Variants in KLHDC10 observed in about 807,000 individuals in gnomAD.
The protein encoded by KLHDC10 is kelch domain containing 10.
Under a neutral mutation model 56.1 loss-of-function variants are expected in KLHDC10, and 24 were observed. That is an observed-to-expected ratio of 0.43 (90% confidence interval 0.31 to 0.60). The LOEUF (loss-of-function observed/expected upper bound fraction) is 0.60, where lower values mean the gene tolerates loss of function less well. Ranked by LOEUF, KLHDC10 falls within the 20% of genes least tolerant of loss-of-function variation. The pLI, the probability that KLHDC10 is intolerant of heterozygous loss-of-function variation, is 0.11. For missense variants in KLHDC10, 349 were observed against 567.0 expected (o/e 0.62, Z 3.91); for synonymous variants, 188 against 207.1 (o/e 0.91, Z 0.79).
At chr7:130,110,054 T>A (rs1796079452) in intron 2 of KLHDC10, among the ~76,000 whole-genome samples, 1 of 152,258 alleles carries the variant, frequency 6.6e-6, no homozygotes, top group African/African-American at 2.4e-5. Flanking sequence ...TTTTTGACAT[T>A]GATATTTTTG....
At chr7:130,104,385 G>T (rs951278594) in intron 2 of KLHDC10, among the ~76,000 whole-genome samples, 2 of 152,250 alleles carry the variant, frequency 1.3e-5, no homozygotes, top group Admixed American at 1.3e-4. Context: ...AAATTTACAG[G>T]TGTAGTATTA....
At chr7:130,072,589 A>G (rs1795432667) in intron 1 of KLHDC10, among the ~76,000 whole-genome samples, 1 of 152,144 alleles carries the variant, frequency 6.6e-6, no homozygotes, top group Admixed American at 6.6e-5. Context: ...ATGTAGTTTG[A>G]AATTCTTTCA....
At position 130,132,991 on chromosome 7, in the gene KLHDC10, A is replaced by G; in HGVS notation, c.*2245A>G. Reference sequence around the variant, plus strand: ...TCCATACTTGCTGGCATCCTTTGTTAAGCCTTCTGAGGGCAGTCTTCTTTG... The same window carrying G: ...TCCATACTTGCTGGCATCCTTTGTTGAGCCTTCTGAGGGCAGTCTTCTTTG... On this transcript the variant is annotated 3_prime_UTR_variant, in exon 10 of 10. Transcript: ENST00000335420. The G allele has an allele frequency of 6.6e-6, 1 of 152,240 alleles. No homozygotes were observed. Among genetic ancestry groups the G allele is most frequent in the Non-Finnish European group, 1.5e-5 (1 of 68,058 alleles). The allele number at this position is 152,240 out of a possible 1,614,324, so 9.4% of individuals were successfully genotyped here.
In KLHDC10 at chr7:130,120,537, T is replaced by C. The variant is rs1304568807; in HGVS notation, c.476-212T>C. On this transcript the variant is annotated intron_variant, in intron 3 of 9. Coordinates refer to ENST00000335420, the MANE Select transcript of KLHDC10 (RefSeq NM_014997.4). This position sits in a 1 kb window ranked among gnomAD's most constrained non-coding sequence, Gnocchi z 5.1. The stretch of plus-strand genomic sequence containing the variant: ...AGTGAGCATTTCCTTTAAGCATCAT[T>C]GTTGGTGCGCAAAAAGTCTAATTCG... 6.6e-6 allele frequency among the ~76,000 whole-genome samples: 1 copy of C among 152,196 alleles called. No homozygotes were observed. Among genetic ancestry groups the C allele is most frequent in the Non-Finnish European group, 1.5e-5 (1 of 68,038 alleles).
rs947487937 is a variant in KLHDC10, at chr7:130,130,039, G to A, written c.1119+463G>A. On this transcript the variant is annotated intron_variant, in intron 9 of 9. Transcript: ENST00000335420. The surrounding 1 kb of genome is among the most constrained non-coding windows in gnomAD (Gnocchi z 4.2). Reference sequence around the variant, plus strand: ...AAAAAAAAATTCATATATATAGGCCGGGCGCGGTGGCTCAGGCCTGTAATC... The same window carrying A: ...AAAAAAAAATTCATATATATAGGCCAGGCGCGGTGGCTCAGGCCTGTAATC... Among the ~76,000 whole-genome samples the A allele has an allele frequency of 1.3e-5, 2 of 152,080 alleles. No individual in the cohort carries two copies. The highest frequency in any genetic ancestry group is 2.1e-4 in the South Asian group (1 of 4,812).
chr7:130,086,686 T>C (rs949403431), intron 1 of KLHDC10, among the ~76,000 whole-genome samples: 2 of 152,274 alleles, frequency 1.3e-5, no homozygotes, highest in African/African-American at 2.4e-5. Flanking sequence ...TATCTCATGC[T>C]TCTTCATGGC....
chr7:130,074,999 A>G (rs756375272), intron 1 of KLHDC10, among the ~76,000 whole-genome samples: 3 of 152,086 alleles, frequency 2.0e-5, no homozygotes, highest in Non-Finnish European at 2.9e-5. Context: ...TTTTTTAAGC[A>G]CTTGCCTTTC....
intron 1 of KLHDC10, among the ~76,000 whole-genome samples, chr7:130,088,653 T>C (rs981118660): frequency 3.3e-5 from 5 of 151,118 alleles, no homozygotes; most frequent in Non-Finnish European, 7.4e-5. Context: ...TTCTTTCTTT[T>C]TTTTTTTTTG....
intron 2 of KLHDC10, among the ~76,000 whole-genome samples, chr7:130,106,606 T>C (rs1163357482): frequency 6.6e-6 from 1 of 152,248 alleles, no homozygotes; most frequent in Non-Finnish European, 1.5e-5. Context: ...TAAAATTTGA[T>C]ATTTAATGTG....
intron 2 of KLHDC10, among the ~76,000 whole-genome samples, chr7:130,107,124 C>A (rs931369419): frequency 6.6e-6 from 1 of 152,008 alleles, no homozygotes; most frequent in Non-Finnish European, 1.5e-5. Context: ...TGATAAGAAA[C>A]CAATAGCAAA....
intron 1 of KLHDC10, among the ~76,000 whole-genome samples, chr7:130,081,157 C>T (rs1795601050): frequency 6.6e-6 from 1 of 151,652 alleles, no homozygotes; most frequent in Non-Finnish European, 1.5e-5. Flanking sequence ...CGCCACTACA[C>T]CCGGCTAATT....
At chr7:130,128,889 A>AAAAAAAAAAAAAAAAAAATATATATATAT in intron 8 of KLHDC10, among the ~76,000 whole-genome samples, 1 of 66,958 alleles carries the variant, frequency 1.5e-5, no homozygotes, top group Non-Finnish European at 2.8e-5. Flanking sequence ...AAAAAAAAAA[A>AAAAAAAAAAAAAAAAAAATATATATATAT]ATATATATAT....
chr7:130,089,653 A>C (rs1011513576), intron 1 of KLHDC10, among the ~76,000 whole-genome samples: 1 of 152,210 alleles, frequency 6.6e-6, no homozygotes, highest in African/African-American at 2.4e-5. Context: ...CCATGGGTAC[A>C]TTGGAGAATA....
chr7:130,102,614 G>C (rs1260972718), intron 2 of KLHDC10, among the ~76,000 whole-genome samples: 1 of 152,114 alleles, frequency 6.6e-6, no homozygotes, highest in Admixed American at 6.6e-5. Context: ...TTGAGGCCAG[G>C]AGTTCAAGAC....
At chr7:130,105,762 G>A (rs1311264054) in intron 2 of KLHDC10, among the ~76,000 whole-genome samples, 1 of 152,154 alleles carries the variant, frequency 6.6e-6, no homozygotes, top group Non-Finnish European at 1.5e-5. Flanking sequence ...CTGGGTGATG[G>A]TTATATGTTC....
At chr7:130,074,121 TA>T (rs1489714984) in intron 1 of KLHDC10, among the ~76,000 whole-genome samples, 1 of 152,230 alleles carries the variant, frequency 6.6e-6, no homozygotes, top group Non-Finnish European at 1.5e-5. Context: ...AATCCTGTGT[TA>T]CGTTCTCTTG....
intron 3 of KLHDC10, among the ~76,000 whole-genome samples, chr7:130,119,145 G>C (rs956923605): frequency 1.3e-5 from 2 of 151,270 alleles, no homozygotes; most frequent in Non-Finnish European, 2.9e-5. Flanking sequence ...GGAGTTCAAG[G>C]CTGCAGTGAG....
At chr7:130,083,824 T>G (rs1308629355) in intron 1 of KLHDC10, among the ~76,000 whole-genome samples, 1 of 152,204 alleles carries the variant, frequency 6.6e-6, no homozygotes, top group Non-Finnish European at 1.5e-5. Context: ...TGCCTTGATC[T>G]CCCTTCATTT....
intron 1 of KLHDC10, among the ~76,000 whole-genome samples, chr7:130,083,607 AT>A (rs1323821217): frequency 9.2e-5 from 14 of 152,062 alleles, no homozygotes; most frequent in African/African-American, 3.4e-4. Flanking sequence ...TCTACATAGC[AT>A]TTTTTCCTAT....
Sources: allele counts gnomAD v4.1 joint callset (sites outside exome capture counted in the v4.1 genomes callset), GRCh38; gene constraint gnomAD v4.1.1; non-coding constraint Gnocchi (gnomAD v3.1); transcripts MANE v1.5; gene names NCBI Gene and HGNC (gene_info 2026-07-23, HGNC 2026-07-21).